HEATR4: variants seen among roughly 807,000 people sequenced by gnomAD.
The protein encoded by HEATR4 is HEAT repeat containing 4.
In HEATR4, 95 loss-of-function variants were observed where a neutral mutation model predicts 108.8. That is an observed-to-expected ratio of 0.87 (90% CI 0.74 to 1.04). The LOEUF is 1.04. Among genes scored for constraint, HEATR4 ranks in the 50% least tolerant of loss-of-function variants. The pLI is 0.00. For missense variants in HEATR4, 1,152 were observed against 1,253.8 expected (o/e 0.92, Z 1.23); for synonymous variants, 443 against 459.4 (o/e 0.96, Z 0.46).
At chr14:73,531,569 C>T (rs1188178728) in intron 1 of HEATR4, among the ~76,000 whole-genome samples, 1 of 108,620 alleles carries the variant, frequency 9.2e-6, no homozygotes, top group Non-Finnish European at 2.0e-5. Context: ...CCACCACGCC[C>T]CACTAATTGT....
At chr14:73,607,988 A>G in the HEATR4 span, among the ~76,000 whole-genome samples, 1 of 142,906 alleles carries the variant, frequency 7.0e-6, no homozygotes, top group East Asian at 2.1e-4. Flanking sequence ...ACAGTGGTGC[A>G]ATCTTGACTC....
At chr14:73,479,719 C>T (rs1015564544) in intron 17 of HEATR4, among the ~76,000 whole-genome samples, 4 of 151,950 alleles carry the variant, frequency 2.6e-5, no homozygotes, top group African/African-American at 4.8e-5. Flanking sequence ...CATGAGCCTC[C>T]GCTCCCGGCC....
intron 16 of HEATR4, among the ~76,000 whole-genome samples, chr14:73,494,060 T>C (rs561175159): frequency 6.6e-6 from 1 of 152,344 alleles, no homozygotes; most frequent in East Asian, 1.9e-4. Context: ...TAGTTGTGCC[T>C]TCATAGACCT....
chr14:73,616,398 T>A, the HEATR4 span, among the ~76,000 whole-genome samples: 1 of 152,106 alleles, frequency 6.6e-6, no homozygotes, highest in East Asian at 1.9e-4. Flanking sequence ...ATTTATATCA[T>A]TAAAAAGTTT....
the HEATR4 span, among the ~76,000 whole-genome samples, chr14:73,607,525 C>T: frequency 1.3e-5 from 2 of 152,176 alleles, no homozygotes; most frequent in Non-Finnish European, 2.9e-5. Context: ...GAGACATTTC[C>T]CCATTGTCTT....
chr14:73,492,699 AG>A lies in HEATR4; in HGVS notation c.2844+366del, dbSNP rs1566821256. On this transcript the variant is annotated intron_variant, in intron 17 of 17. Coordinates refer to ENST00000553558, the MANE Select transcript of HEATR4 (RefSeq NM_001220484.1). The surrounding 1 kb of genome is among the most constrained non-coding windows in gnomAD (Gnocchi z 4.9). The stretch of plus-strand genomic sequence containing the variant: ...GATGGGATAGCTCGGCTGGTGGGTG[AG>A]GGGGGCCATTTGTTTCTCTATTACA... 6.2e-7 allele frequency: 1 copy of A among 1,613,944 alleles called. No individual in the cohort carries two copies. The highest frequency in any genetic ancestry group is 8.5e-7 in the Non-Finnish European group (1 of 1,179,876).
intron 7 of HEATR4, among the ~76,000 whole-genome samples, chr14:73,510,354 AG>A (rs1887168205): frequency 6.6e-6 from 1 of 152,154 alleles, no homozygotes; most frequent in African/African-American, 2.4e-5. Context: ...GCATGGCACC[AG>A]AAGAATATGG....
At chr14:73,520,266 C>T (rs17182439) in intron 4 of HEATR4, 5,670 of 152,318 alleles carry the variant, frequency 0.037, 143 homozygotes, top group Non-Finnish European at 0.052. Context: ...GGGAAGGTGG[C>T]AAACATTTAC....
At chr14:73,606,445 A>T in the HEATR4 span, among the ~76,000 whole-genome samples, 3 of 151,740 alleles carry the variant, frequency 2.0e-5, no homozygotes, top group Non-Finnish European at 4.4e-5. Flanking sequence ...TAATAATAAA[A>T]CTCCAGTCTC....
the HEATR4 span, among the ~76,000 whole-genome samples, chr14:73,597,564 T>C: frequency 1.3e-5 from 2 of 149,734 alleles, no homozygotes; most frequent in Non-Finnish European, 3.0e-5. Context: ...TTTGTATTTC[T>C]TTTTCTTTTT....
At chr14:73,633,107 C>G in the HEATR4 span, among the ~76,000 whole-genome samples, 1 of 150,004 alleles carries the variant, frequency 6.7e-6, no homozygotes, top group Non-Finnish European at 1.5e-5. Context: ...CGGTTTCATG[C>G]GATTCTCTCG....
At chr14:73,581,613 A>G in the HEATR4 span, 1 of 116,890 alleles carries the variant, frequency 8.6e-6, no homozygotes, top group Non-Finnish European at 1.8e-5. Flanking sequence ...ATCATTATTT[A>G]ATGTTTTAAA....
At chr14:73,509,264 G>GA (rs747925825) in intron 8 of HEATR4, 48 bp downstream of exon 8, 2 of 1,551,300 alleles carry the variant, frequency 1.3e-6, no homozygotes, top group Non-Finnish European at 1.8e-6. Flanking sequence ...CTGATAGTGA[G>GA]ATGTCTATCC....
chr14:73,537,088 A>T (rs1888885949), intron 1 of HEATR4: 2 of 211,292 alleles, frequency 9.5e-6, no homozygotes, highest in Non-Finnish European at 1.7e-5. Context: ...GGATCACGCC[A>T]TTCTCCTGCC....
At chr14:73,542,984 C>T in intron 1 of HEATR4, 1 of 1,228,232 alleles carries the variant, frequency 8.1e-7, no homozygotes, top group Non-Finnish European at 1.1e-6. Flanking sequence ...CCAGGGTGGG[C>T]ACAACTCACC....
rs1377852636 is a variant in HEATR4 at position 73,551,596 on chromosome 14, T to C, written c.-152+7155A>G. 5.4e-5 allele frequency among the ~76,000 whole-genome samples: 6 copies of C among 110,972 alleles called. 2 individuals carry two copies. The highest frequency in any genetic ancestry group is 1.8e-4 in the African/African-American group (6 of 34,128). The allele number at this position is 110,972 out of a possible 152,430, so 72.8% of individuals were successfully genotyped here. A position where few individuals can be genotyped will look rare whatever the true frequency, so the allele number is the denominator to read the frequency against. On this transcript the variant is annotated intron_variant, in intron 1 of 17. Transcript: ENST00000553558. ...GCTGAGGTGGATGGGTCACCTGAGG[T>C]CAGGAGTTCGAGACCAGCCTGACCA...
At chr14:73,521,091 C>A (rs1261472193) in intron 3 of HEATR4, 52 bp from the exon 4 acceptor site, 5 of 1,488,506 alleles carry the variant, frequency 3.4e-6, no homozygotes, top group Non-Finnish European at 3.7e-6. Context: ...GGAGGTGGAT[C>A]CCCCTTTCCA....
chr14:73,483,582 C>G (rs1441837541), intron 17 of HEATR4, among the ~76,000 whole-genome samples: 1 of 151,938 alleles, frequency 6.6e-6, no homozygotes, highest in African/African-American at 2.4e-5. Flanking sequence ...CTTTCAAGCA[C>G]AATTGTATAT....
chr14:73,570,207 A>C, the HEATR4 span, among the ~76,000 whole-genome samples: 1 of 151,756 alleles, frequency 6.6e-6, no homozygotes, highest in African/African-American at 2.4e-5. Context: ...ATGGAATGGA[A>C]AGCTGATTGG....
Sources: gnomAD v4.1 joint callset for allele counts (sites outside exome capture counted in the v4.1 genomes callset) on GRCh38, gnomAD v4.1.1 for gene constraint, Gnocchi (gnomAD v3.1) non-coding constraint, MANE v1.5 for transcripts, NCBI Gene and HGNC (gene_info 2026-07-23, HGNC 2026-07-21) for gene names.